GPHN: variants seen among roughly 807,000 people sequenced by gnomAD.
GPHN encodes gephyrin.
A neutral mutation model predicts 95.5 loss-of-function variants in GPHN; 17 were observed. The observed-to-expected ratio is 0.18, with a 90% CI of 0.12 to 0.27. GPHN has a LOEUF of 0.27. GPHN is among the 10% of genes least tolerant of loss of function. The probability of loss-of-function intolerance (pLI) is 1.00; values close to 1 mark genes in which losing one functional copy is unlikely to be tolerated. For synonymous variants in GPHN, 320 were observed against 322.5 expected (o/e 0.99, Z 0.08); for missense variants, 660 against 978.1 (o/e 0.67, Z 4.34).
At chr14:66,672,869 C>T (rs897070161) in intron 1 of GPHN, among the ~76,000 whole-genome samples, 8 of 152,064 alleles carry the variant, frequency 5.3e-5, no homozygotes, top group African/African-American at 1.9e-4. Context: ...CTGACAATCT[C>T]TGTTTTTTAA....
the GPHN span, among the ~76,000 whole-genome samples, chr14:67,375,947 A>AT: frequency 6.6e-6 from 1 of 152,254 alleles, no homozygotes; most frequent in African/African-American, 2.4e-5. Flanking sequence ...TTCTCACTCA[A>AT]TTTTTATGTG....
chr14:66,753,456 C>T (rs774273608), intron 2 of GPHN, among the ~76,000 whole-genome samples: 2 of 151,716 alleles, frequency 1.3e-5, no homozygotes, highest in Non-Finnish European at 2.9e-5. Context: ...TGTTTTAAGC[C>T]CCTGAGTTTT....
intron 1 of GPHN, among the ~76,000 whole-genome samples, chr14:66,641,055 G>A (rs572121810): frequency 2.6e-5 from 4 of 152,192 alleles, no homozygotes; most frequent in Non-Finnish European, 5.9e-5. Flanking sequence ...AGGATGAATA[G>A]ATACACTGTC....
At chr14:66,718,472 T>A (rs1352944901) in intron 2 of GPHN, among the ~76,000 whole-genome samples, 3 of 152,028 alleles carry the variant, frequency 2.0e-5, no homozygotes, top group Non-Finnish European at 2.9e-5. Context: ...AGCAGCAAGA[T>A]TTACTGTGAA....
intron 5 of GPHN, among the ~76,000 whole-genome samples, chr14:66,888,922 C>T (rs1080053): frequency 0.3 from 44,871 of 151,888 alleles, 10,704 homozygotes; most frequent in African/African-American, 0.63. Flanking sequence ...CAAAAGCGAA[C>T]CATGGTGGCT....
At chr14:67,494,599 C>T in the GPHN span, among the ~76,000 whole-genome samples, 494 of 152,328 alleles carry the variant, frequency 3.2e-3, 6 homozygotes, top group Admixed American at 5.2e-3. Flanking sequence ...ACTCTGGACA[C>T]GGGTTGAGAG....
chr14:67,643,563 C>T, the GPHN span, among the ~76,000 whole-genome samples: 1 of 152,194 alleles, frequency 6.6e-6, no homozygotes, highest in Non-Finnish European at 1.5e-5. Context: ...GTGGTGCATG[C>T]CTGCAGGCCC....
intron 2 of GPHN, among the ~76,000 whole-genome samples, chr14:66,688,912 C>CG (rs1216300085): frequency 1.0e-4 from 1 of 9,718 alleles, no homozygotes; most frequent in Non-Finnish European, 2.0e-4. Context: ...CGGGGCCTGT[C>CG]GGGGGGTGGG....
intron 9 of GPHN, among the ~76,000 whole-genome samples, chr14:67,012,995 G>A (rs2073095843): frequency 6.6e-6 from 1 of 151,856 alleles, no homozygotes; most frequent in Non-Finnish European, 1.5e-5. Context: ...TAGTTTAGGT[G>A]CTTATCATCT....
At chr14:67,329,041 G>A in the GPHN span, among the ~76,000 whole-genome samples, 1 of 152,186 alleles carries the variant, frequency 6.6e-6, no homozygotes, top group South Asian at 2.1e-4. Flanking sequence ...TGATGGGGAT[G>A]GCATTGAATC....
chr14:66,744,135 C>T (rs961264853), intron 2 of GPHN, among the ~76,000 whole-genome samples: 1 of 152,154 alleles, frequency 6.6e-6, no homozygotes, highest in Non-Finnish European at 1.5e-5. Flanking sequence ...CTTCTGTAGC[C>T]TTCTGCCTAT....
At chr14:67,152,810 C>G (rs1380893599) in intron 18 of GPHN, among the ~76,000 whole-genome samples, 1 of 151,756 alleles carries the variant, frequency 6.6e-6, no homozygotes, top group Non-Finnish European at 1.5e-5. Flanking sequence ...ACTAAAAATA[C>G]AAAAATTGGC....
At chr14:66,641,841 T>A (rs905480478) in intron 1 of GPHN, among the ~76,000 whole-genome samples, 9 of 152,194 alleles carry the variant, frequency 5.9e-5, no homozygotes, top group African/African-American at 2.2e-4. Context: ...TTTAGTGCAA[T>A]TAAAATGTCA....
intron 8 of GPHN, among the ~76,000 whole-genome samples, chr14:66,957,124 A>T (rs2068567896): frequency 6.6e-6 from 1 of 151,634 alleles, no homozygotes; most frequent in Middle Eastern, 3.4e-3. Context: ...TAATAATAAA[A>T]AAAAAAGAAA....
chr14:67,193,580 TATAG>T, the GPHN span, among the ~76,000 whole-genome samples: 1 of 144,876 alleles, frequency 6.9e-6, no homozygotes, highest in African/African-American at 2.5e-5. Context: ...TAGATCTATA[TATAG>T]ATATAGATAT....
the GPHN span, among the ~76,000 whole-genome samples, chr14:67,284,577 A>C: frequency 2.1e-5 from 3 of 144,946 alleles, no homozygotes; most frequent in African/African-American, 2.5e-5. Context: ...AAAAAAAAAA[A>C]AAAAAAAAAA....
At chr14:66,894,189 G>A (rs1004386803) in intron 5 of GPHN, among the ~76,000 whole-genome samples, 32 of 152,052 alleles carry the variant, frequency 2.1e-4, no homozygotes, top group African/African-American at 6.8e-4. Context: ...ACAGAACACA[G>A]CCCTCAGAAA....
At chr14:66,923,199 C>T (rs980345227) in intron 7 of GPHN, among the ~76,000 whole-genome samples, 11 of 152,050 alleles carry the variant, frequency 7.2e-5, no homozygotes, top group South Asian at 2.1e-4. Context: ...TGATAAACAA[C>T]GTGACATTTT....
At chr14:67,438,808 C>T in the GPHN span, among the ~76,000 whole-genome samples, 1 of 141,882 alleles carries the variant, frequency 7.0e-6, no homozygotes, top group South Asian at 2.2e-4. Flanking sequence ...TTACAGTGAG[C>T]TGAGATGGTG....
Sources: gnomAD v4.1 joint callset for allele counts (sites outside exome capture counted in the v4.1 genomes callset) on GRCh38, gnomAD v4.1.1 for gene constraint, MANE v1.5 for transcripts, NCBI Gene and HGNC (gene_info 2026-07-23, HGNC 2026-07-21) for gene names.